The following MECOM variants were observed in gnomAD, a reference collection of about 807,000 sequenced individuals.
MECOM encodes the protein MDS1 and EVI1 complex locus.
MECOM carries 13 observed loss-of-function variants against 116.3 expected under a neutral mutation model. The ratio of observed to expected loss-of-function variants is 0.11; its 90% CI spans 0.07 to 0.18. The LOEUF (loss-of-function observed/expected upper bound fraction) is 0.18. MECOM is among the 10% of genes least tolerant of loss of function. MECOM has a pLI of 1.00. For synonymous variants in MECOM, 528 were observed against 535.2 expected, an observed-to-expected ratio of 0.99 and a Z score of 0.19; for missense variants, 1,299 against 1,509.0, an observed-to-expected ratio of 0.86 and a Z score of 2.31.
At chr3:169,609,859 G>A (rs1278151333) in intron 1 of MECOM, among the ~76,000 whole-genome samples, 1 of 152,166 alleles carries the variant, frequency 6.6e-6, no homozygotes, top group Non-Finnish European at 1.5e-5. Context: ...TTTCTGAAAT[G>A]TGGTATTTCT....
Position 169,434,976 on chromosome 3 carries a change from C to T in MECOM, c.38-53452G>A, listed in dbSNP as rs144078221. On this transcript the variant is annotated intron_variant, in intron 1 of 16. Coordinates refer to ENST00000651503, the MANE Select transcript of MECOM (RefSeq NM_004991.4). ...TGAAAAGAGGAATGTATTCATTAGG[C>T]TAGTACAGTATGGGAAGCCTGTAGT... Among the ~76,000 whole-genome samples, 681 of 152,164 alleles carry T rather than the reference C, an allele frequency of 4.5e-3. 6 individuals carry two copies. Among genetic ancestry groups the T allele is most frequent in the African/African-American group, 0.016 (654 of 41,504 alleles).
chr3:169,106,925 G>A (rs1365759414), intron 10 of MECOM, among the ~76,000 whole-genome samples: 1 of 152,058 alleles, frequency 6.6e-6, no homozygotes, highest in African/African-American at 2.4e-5. Flanking sequence ...ATAAATATTT[G>A]TGTACATTTG....
chr3:169,542,068 A>C (rs547436046), intron 1 of MECOM, among the ~76,000 whole-genome samples: 183 of 152,360 alleles, frequency 1.2e-3, no homozygotes, highest in Non-Finnish European at 2.1e-3. Context: ...AGATGGCCAC[A>C]GAATATAATG....
chr3:169,363,040 C>T (rs1228079453), intron 2 of MECOM, among the ~76,000 whole-genome samples: 18 of 151,864 alleles, frequency 1.2e-4, no homozygotes, highest in South Asian at 1.0e-3. Flanking sequence ...TTCCCCATTT[C>T]TTCACTACCC....
At chr3:169,180,780 G>A (rs1037731502) in intron 2 of MECOM, among the ~76,000 whole-genome samples, 2 of 93,150 alleles carry the variant, frequency 2.1e-5, no homozygotes, top group African/African-American at 7.9e-5. Context: ...ATGTATGTGT[G>A]TGTGTGTGGA....
At chr3:169,566,830 C>G (rs186980157) in intron 1 of MECOM, among the ~76,000 whole-genome samples, 1 of 152,372 alleles carries the variant, frequency 6.6e-6, no homozygotes, top group East Asian at 1.9e-4. Flanking sequence ...AAAACCTGGC[C>G]AGGCATTCCA....
chr3:169,362,068 TAAAAC>T (rs904177990), intron 2 of MECOM, among the ~76,000 whole-genome samples: 8 of 152,026 alleles, frequency 5.3e-5, no homozygotes, highest in African/African-American at 1.7e-4. Flanking sequence ...GGAGAAATGA[TAAAAC>T]AAGTATCTAT....
At chr3:169,396,407 C>T (rs2108366666) in intron 1 of MECOM, among the ~76,000 whole-genome samples, 1 of 152,242 alleles carries the variant, frequency 6.6e-6, no homozygotes, top group East Asian at 1.9e-4. Context: ...TTGGGATGTG[C>T]TGTAATTTTT....
chr3:169,115,542 A>G lies in MECOM; in HGVS notation c.2330T>C (p.Met777Thr). 6.2e-7 allele frequency: 1 copy of G among 1,614,048 alleles called. No homozygotes were observed. Among genetic ancestry groups the G allele is most frequent in the Non-Finnish European group, 8.5e-7 (1 of 1,180,012 alleles). ...TSQDQPLDLS[M>T]GSRSRASGTK... The stretch of plus-strand genomic sequence containing the variant: ...CCCACTGGCTCTACTCCTACTGCCC[A>G]TACTTAGATCCAGGGGCTGGTCTTG... The change falls in exon 8 of 17, where the codon ATG becomes ACG. Residue 777 changes from methionine to threonine, a missense_variant. Met to Thr is a moderately conservative substitution (Grantham distance 81). Transcript: ENST00000651503.
rs566866405 is a variant in MECOM, at chr3:169,363,815, C to T, written c.375+17372G>A. Among the ~76,000 whole-genome samples the T allele has an allele frequency of 2.6e-5, 4 of 151,996 alleles. No homozygotes were observed. In the South Asian group the frequency reaches 6.2e-4, roughly 24 times the overall value. ...CATCCCGGATCTCATTATTTTCCCACCGCACAATGGCAGACACTCTGAATG... is the reference window on the plus strand; with the variant it reads ...CATCCCGGATCTCATTATTTTCCCATCGCACAATGGCAGACACTCTGAATG... On this transcript the variant is annotated intron_variant, in intron 2 of 16. Coordinates refer to ENST00000651503, the MANE Select transcript of MECOM (RefSeq NM_004991.4).
At chr3:169,119,804 G>A (rs1236385771) in intron 7 of MECOM, among the ~76,000 whole-genome samples, 3 of 152,022 alleles carry the variant, frequency 2.0e-5, no homozygotes, top group Admixed American at 6.5e-5. Context: ...TTTATTTCCC[G>A]TGACCTTCAA....
At chr3:169,228,474 C>T (rs972914883) in intron 2 of MECOM, among the ~76,000 whole-genome samples, 3 of 151,848 alleles carry the variant, frequency 2.0e-5, no homozygotes, top group Admixed American at 6.6e-5. Context: ...CAGTTTTTCA[C>T]GGGGCTTTAA....
Position 169,173,453 on chromosome 3 carries a change from C to CA in MECOM, c.376-29622dup, listed in dbSNP as rs1202984728. Among the ~76,000 whole-genome samples, 4 of 152,290 alleles carry CA rather than the reference C, an allele frequency of 2.6e-5. No homozygotes were observed. The East Asian group carries it at 7.7e-4, about 29-fold the overall frequency. ...TAACCACAAGCTCACCTCTGAACTC[C>CA]AAACTGGTTTATCCTGTTGTCCCAG... On this transcript the variant is annotated intron_variant, in intron 2 of 16. Coordinates refer to ENST00000651503, the MANE Select transcript of MECOM (RefSeq NM_004991.4).
intron 2 of MECOM, among the ~76,000 whole-genome samples, chr3:169,229,715 G>A (rs1577404596): frequency 6.6e-6 from 1 of 152,250 alleles, no homozygotes; most frequent in Non-Finnish European, 1.5e-5. Flanking sequence ...CCTCAAGATA[G>A]CACTCATGAG....
At chr3:169,463,215 C>T (rs1747747968) in intron 1 of MECOM, among the ~76,000 whole-genome samples, 1 of 152,070 alleles carries the variant, frequency 6.6e-6, no homozygotes, top group Non-Finnish European at 1.5e-5. Context: ...AAGAAACCAC[C>T]CCACTGGGAA....
intron 2 of MECOM, chr3:169,145,206 C>T (rs1419527760): frequency 3.6e-6 from 2 of 553,930 alleles, no homozygotes; most frequent in Non-Finnish European, 6.2e-6. Context: ...AAATCAAACT[C>T]TTCTTTTTCA....
chr3:169,230,770 G>A (rs1560021746), intron 2 of MECOM, among the ~76,000 whole-genome samples: 1 of 152,052 alleles, frequency 6.6e-6, no homozygotes, highest in South Asian at 2.1e-4. Flanking sequence ...TTCCTAGATG[G>A]TCATTTTGAA....
At chr3:169,114,827 C>T (rs1728607814) in intron 8 of MECOM, among the ~76,000 whole-genome samples, 1 of 152,098 alleles carries the variant, frequency 6.6e-6, no homozygotes, top group Admixed American at 6.6e-5. Context: ...TAAACAGAGA[C>T]ATTTTTTAAG....
intron 2 of MECOM, among the ~76,000 whole-genome samples, chr3:169,182,739 T>C (rs879738936): frequency 1.1e-4 from 17 of 152,318 alleles, no homozygotes; most frequent in Non-Finnish European, 2.1e-4. Context: ...TCATCCTTAA[T>C]GGCAACGTTA....
Sources: gnomAD v4.1 joint callset for allele counts (sites outside exome capture counted in the v4.1 genomes callset) on GRCh38, gnomAD v4.1.1 for gene constraint, MANE v1.5 for transcripts, NCBI Gene and HGNC (gene_info 2026-07-23, HGNC 2026-07-21) for gene names.